The following SLC35A3 variants were observed in gnomAD, a reference collection of about 807,000 sequenced individuals.
The protein encoded by SLC35A3 is UDP-N-acetylglucosamine transporter.
A neutral mutation model predicts 39.0 loss-of-function variants in SLC35A3; 26 were observed. The ratio of observed to expected loss-of-function variants is 0.67; its 90% CI spans 0.49 to 0.92. SLC35A3 has a LOEUF of 0.92. SLC35A3 is among the 40% of genes least tolerant of loss of function. SLC35A3 has a pLI of 0.00. For missense variants in SLC35A3, 299 were observed against 371.6 expected (o/e 0.80, Z 1.61); for synonymous variants, 135 against 133.1 (o/e 1.01, Z -0.10).
rs1021384566 is a variant in SLC35A3 at position 100,035,461 on chromosome 1, T to C, written c.*12985T>C. 13 of 152,200 alleles carry C rather than the reference T, an allele frequency of 8.5e-5. No homozygotes were observed. Among genetic ancestry groups the C allele is most frequent in the African/African-American group, 3.1e-4 (13 of 41,428 alleles). 9.4% of individuals were successfully genotyped at this position (152,200 alleles called of 1,614,324 possible). ...CACAAAGCCTGGGACATTCTGGACA[T>C]TTAGTATGTGTTAAATTTCTCTTAC... is the stretch of plus-strand genomic sequence containing the variant. On this transcript the variant is annotated 3_prime_UTR_variant, in exon 8 of 8. Transcript: ENST00000533028.
chr1:100,008,541 C>A (rs57970573), intron 4 of SLC35A3: 1 of 152,190 alleles, frequency 6.6e-6, no homozygotes, highest in Admixed American at 6.5e-5. Flanking sequence ...GTTCTAGACT[C>A]ATTTCTGCTG....
intron 7 of SLC35A3, among the ~76,000 whole-genome samples, chr1:100,018,166 T>G (rs1260712725): frequency 1.3e-5 from 2 of 152,194 alleles, no homozygotes; most frequent in Non-Finnish European, 2.9e-5. Context: ...TTGAAGGAGA[T>G]AGTTTATATA....
chr1:99,979,675 C>T (rs1657334321), intron 1 of SLC35A3, among the ~76,000 whole-genome samples: 1 of 151,342 alleles, frequency 6.6e-6, no homozygotes, highest in Non-Finnish European at 1.5e-5. Context: ...ATCTCGTGAT[C>T]TGCCCACCTT....
intron 1 of SLC35A3, among the ~76,000 whole-genome samples, chr1:99,988,305 A>AT (rs775997590): frequency 4.8e-4 from 72 of 150,920 alleles, no homozygotes; most frequent in East Asian, 1.2e-3. Context: ...GTTTTGTTTA[A>AT]TTTTTTTTTG....
rs1170082728 is a variant in SLC35A3, at chr1:100,029,426, A to AT, written c.*6972dup. On this transcript the variant is annotated 3_prime_UTR_variant, in exon 8 of 8. Coordinates refer to ENST00000533028, the MANE Select transcript of SLC35A3 (RefSeq NM_012243.3). ...CAATTCTTCTTTTCAGAGACTTTTAATTTTTTTTTTTTTTTTTTTTTTGAG... is the reference window on the plus strand; with the variant it reads ...CAATTCTTCTTTTCAGAGACTTTTAATTTTTTTTTTTTTTTTTTTTTTTGAG... The AT allele has an allele frequency of 0.035, 4,367 of 125,520 alleles. 250 individuals are homozygous for AT. The highest frequency in any genetic ancestry group is 0.099 in the African/African-American group (3,059 of 30,910). The allele number at this position is 125,520 out of a possible 1,614,324, so 7.8% of individuals were successfully genotyped here. A position where few individuals can be genotyped will look rare whatever the true frequency, so the allele number is the denominator to read the frequency against.
At chr1:100,015,881 A>C (rs1232558829) in intron 6 of SLC35A3, among the ~76,000 whole-genome samples, 2 of 152,124 alleles carry the variant, frequency 1.3e-5, no homozygotes, top group African/African-American at 4.8e-5. Context: ...TTGAGTAATT[A>C]ATTACATCTT....
chr1:100,007,334 A>G, intron 4 of SLC35A3, 178 bp downstream of exon 4: 1 of 504,650 alleles, frequency 2.0e-6, no homozygotes. Context: ...AGTGTAAGTA[A>G]TACAGAGGAA....
chr1:100,010,865 A>T (rs757822288), intron 4 of SLC35A3, among the ~76,000 whole-genome samples: 1 of 152,136 alleles, frequency 6.6e-6, no homozygotes, highest in East Asian at 1.9e-4. Flanking sequence ...TTTCGTTTCC[A>T]GTGTCTTGTA....
chr1:99,999,443 T>A (rs780593920), intron 3 of SLC35A3, 28 bp downstream of exon 3: 3 of 1,515,186 alleles, frequency 2.0e-6, no homozygotes, highest in East Asian at 4.6e-5. Flanking sequence ...CTTTCTTTTT[T>A]AAAAAAACTT....
intron 5 of SLC35A3, among the ~76,000 whole-genome samples, chr1:100,013,664 G>A (rs1659841471): frequency 6.7e-6 from 1 of 149,632 alleles, no homozygotes; most frequent in African/African-American, 2.5e-5. Context: ...CTCTTCTGAT[G>A]GTATTTTATA....
intron 3 of SLC35A3, among the ~76,000 whole-genome samples, chr1:100,002,626 G>GT (rs748880656): frequency 7.2e-5 from 11 of 151,926 alleles, no homozygotes; most frequent in Admixed American, 1.3e-4. Context: ...TGTTGTTGTT[G>GT]TTGTTTGTTT....
intron 1 of SLC35A3, among the ~76,000 whole-genome samples, chr1:99,976,348 A>G (rs967726658): frequency 3.9e-5 from 6 of 152,242 alleles, no homozygotes; most frequent in South Asian, 2.1e-4. Context: ...TGTTAAAAAA[A>G]CAAAACTATA....
chr1:99,993,428 G>A, intron 1 of SLC35A3, 109 bp from the exon 2 acceptor site: 2 of 767,844 alleles, frequency 2.6e-6, no homozygotes, highest in Non-Finnish European at 4.0e-6. Context: ...GGTGGCAGGT[G>A]GAGGAGAGAC....
At chr1:99,979,430 CTT>C (rs755564922) in intron 1 of SLC35A3, among the ~76,000 whole-genome samples, 25 of 136,244 alleles carry the variant, frequency 1.8e-4, no homozygotes, top group Non-Finnish European at 2.5e-4. Context: ...CCTTTTCTTT[CTT>C]TTTTTTTTTT....
intron 6 of SLC35A3, 96 bp downstream of exon 6, chr1:100,015,516 G>A: frequency 7.6e-7 from 1 of 1,311,332 alleles, no homozygotes; most frequent in Non-Finnish European, 1.0e-6. Flanking sequence ...AGGGGGAAAA[G>A]GTCCCTCCTG....
chr1:100,016,063 ATTTT>A (rs570217343), intron 6 of SLC35A3, among the ~76,000 whole-genome samples: 4 of 130,316 alleles, frequency 3.1e-5, no homozygotes, highest in Admixed American at 7.8e-5. Context: ...GGATACTTCT[ATTTT>A]TTTTTTTTTT....
Position 100,007,115 on chromosome 1 carries a change from C to T in SLC35A3, c.424C>T (p.Leu142=). The T allele has an allele frequency of 6.2e-7, 1 of 1,611,882 alleles. No individual in the cohort carries two copies. The highest frequency in any genetic ancestry group is 8.5e-7 in the Non-Finnish European group (1 of 1,178,866). ...TAAAAAATTGGGTGTATACCAGTGG[C>T]TGTCCCTAGTAATTTTGATGACAGG... The part of the protein sequence containing the change: ...LSKKLGVYQW[L]SLVILMTGVA... The change falls in exon 4 of 8, where the codon CTG becomes TTG. Residue 142 remains leucine, a synonymous_variant. Transcript: ENST00000533028.
chr1:100,011,726 ATTTATTTATTTT>A, intron 5 of SLC35A3, among the ~76,000 whole-genome samples, 193 bp downstream of exon 5: 1 of 77,004 alleles, frequency 1.3e-5, no homozygotes, highest in Non-Finnish European at 3.2e-5. Context: ...TTATTTATTT[ATTTATTTATTTT>A]TGACAGATTC....
intron 2 of SLC35A3, among the ~76,000 whole-genome samples, chr1:99,996,872 A>T (rs1658429525): frequency 6.6e-6 from 1 of 151,984 alleles, no homozygotes; most frequent in Non-Finnish European, 1.5e-5. Flanking sequence ...AGTTTTTTTT[A>T]TTTCAAAAAA....
Sources: allele counts gnomAD v4.1 joint callset (sites outside exome capture counted in the v4.1 genomes callset), GRCh38; gene constraint gnomAD v4.1.1; transcripts MANE v1.5; gene names NCBI Gene and HGNC (gene_info 2026-07-23, HGNC 2026-07-21).